Variants in RAPGEF2 observed in about 807,000 individuals in gnomAD.
The protein encoded by RAPGEF2 is PDZ domain containing guanine nucleotide exchange factor (GEF) 1.
RAPGEF2 carries 54 observed loss-of-function variants against 186.7 expected under a neutral mutation model. The observed-to-expected ratio is 0.29, with a 90% CI of 0.23 to 0.36. The LOEUF (loss-of-function observed/expected upper bound fraction) is 0.36, where lower values mean the gene tolerates loss of function less well. RAPGEF2 is among the 10% of genes least tolerant of loss of function. The probability of loss-of-function intolerance (pLI) is 1.00; values close to 1 mark genes in which losing one functional copy is unlikely to be tolerated. For missense variants in RAPGEF2, 1,532 were observed against 2,045.0 expected (o/e 0.75, Z 4.84); for synonymous variants, 712 against 705.9 (o/e 1.01, Z -0.14).
rs992816399 is a variant in RAPGEF2 at position 159,103,382 on chromosome 4, C to G, written c.-781C>G. 7.2e-5 allele frequency: 11 copies of G among 153,004 alleles called. No homozygotes were observed. Among genetic ancestry groups the G allele is most frequent in the African/African-American group, 2.7e-4 (11 of 41,258 alleles). 9.5% of individuals were successfully genotyped at this position (153,004 alleles called of 1,614,324 possible). A position where few individuals can be genotyped will look rare whatever the true frequency, so the allele number is the denominator to read the frequency against. Reference sequence around the variant, plus strand: ...CCGGGGCAGCTCCGCTCCGGGCGCGCTGATGGGGGGAGGCGGCGGCGGCGG... The same window carrying G: ...CCGGGGCAGCTCCGCTCCGGGCGCGGTGATGGGGGGAGGCGGCGGCGGCGG... On this transcript the variant is annotated 5_prime_UTR_variant, in exon 1 of 30. Coordinates refer to ENST00000691494, the MANE Select transcript of RAPGEF2 (RefSeq NM_001394067.2).
chr4:159,104,750 T>C (rs951829232), intron 1 of RAPGEF2, among the ~76,000 whole-genome samples: 1 of 152,122 alleles, frequency 6.6e-6, no homozygotes, highest in African/African-American at 2.4e-5. Flanking sequence ...TTGAAAGGTA[T>C]AGGAGGAAAC....
Position 159,144,879 on chromosome 4 carries a change from G to GTTTTTTTTTTTT in RAPGEF2, c.69+40663_69+40674dup, listed in dbSNP as rs137978885. Among the ~76,000 whole-genome samples, 22 of 92,316 alleles carry GTTTTTTTTTTTT rather than the reference G, an allele frequency of 2.4e-4. 4 individuals are homozygous for GTTTTTTTTTTTT. Among genetic ancestry groups the GTTTTTTTTTTTT allele is most frequent in the South Asian group, 8.5e-4 (2 of 2,354 alleles). The allele number at this position is 92,316 out of a possible 152,430, so 60.6% of individuals were successfully genotyped here. On this transcript the variant is annotated intron_variant, in intron 1 of 29. Transcript: ENST00000691494. The stretch of plus-strand genomic sequence containing the variant: ...CTTCTTAATTTTTTTCTTTCTTCCT[G>GTTTTTTTTTTTT]TTTTTTTTTTTTTTTTTTTTTTTTT...
At chr4:159,219,644 C>T (rs1002917950) in intron 4 of RAPGEF2, among the ~76,000 whole-genome samples, 4 of 152,172 alleles carry the variant, frequency 2.6e-5, no homozygotes, top group Admixed American at 6.5e-5. Context: ...CGTGAGCCAC[C>T]ACGCGCAGCC....
At chr4:159,209,197 A>G (rs2111367203) in intron 3 of RAPGEF2, among the ~76,000 whole-genome samples, 2 of 151,730 alleles carry the variant, frequency 1.3e-5, no homozygotes, top group Admixed American at 1.3e-4. Context: ...CAGCCAAAAA[A>G]AAAAAAAAAA....
At chr4:159,303,280 G>A (rs1224473154) in intron 7 of RAPGEF2, among the ~76,000 whole-genome samples, 1 of 152,100 alleles carries the variant, frequency 6.6e-6, no homozygotes, top group Non-Finnish European at 1.5e-5. Context: ...GAGGGAATGA[G>A]CCTCAAAAGG....
intron 1 of RAPGEF2, among the ~76,000 whole-genome samples, chr4:159,140,318 G>A (rs915109312): frequency 3.9e-5 from 6 of 152,138 alleles, no homozygotes; most frequent in Non-Finnish European, 7.3e-5. Flanking sequence ...GTTTGAAAAT[G>A]GGAGGTATAA....
chr4:159,188,084 A>G (rs1246393158), intron 2 of RAPGEF2, among the ~76,000 whole-genome samples: 1 of 150,480 alleles, frequency 6.6e-6, no homozygotes, highest in Non-Finnish European at 1.5e-5. Flanking sequence ...CTCAAATTAG[A>G]GCAAGAATAA....
chr4:159,232,437 C>T (rs1303937522), intron 4 of RAPGEF2, among the ~76,000 whole-genome samples: 3 of 152,148 alleles, frequency 2.0e-5, no homozygotes, highest in Non-Finnish European at 2.9e-5. Flanking sequence ...AAGGTTCATC[C>T]ATGTTGTAGC....
chr4:159,249,808 A>C (rs1755097171), intron 7 of RAPGEF2, among the ~76,000 whole-genome samples: 1 of 152,144 alleles, frequency 6.6e-6, no homozygotes, highest in Non-Finnish European at 1.5e-5. Context: ...AAAATACATA[A>C]GTTAATTGTT....
intron 7 of RAPGEF2, among the ~76,000 whole-genome samples, chr4:159,270,988 A>G (rs1348558762): frequency 1.3e-5 from 2 of 152,202 alleles, no homozygotes; most frequent in Admixed American, 1.3e-4. Context: ...GGTTGCTAAC[A>G]TTTCAGAAAT....
intron 1 of RAPGEF2, among the ~76,000 whole-genome samples, chr4:159,110,340 C>G (rs1206505371): frequency 6.6e-6 from 1 of 152,130 alleles, no homozygotes; most frequent in African/African-American, 2.4e-5. Context: ...CTAATCCTAG[C>G]ACTTTAGGAG....
rs756095522 is a variant in RAPGEF2, at chr4:159,241,176, G to T, written c.358-25G>T. 17 of 1,462,264 alleles carry T rather than the reference G, an allele frequency of 1.2e-5. No homozygotes were observed. The East Asian group carries it at 3.3e-4, about 28-fold the overall frequency. The allele number at this position is 1,462,264 out of a possible 1,614,324, so 90.6% of individuals were successfully genotyped here. ...TAGGAAATGTTGTGTTTGGAGAAATGAAATTTTGGGGGGTTTTATTTCAGG... is the reference window on the plus strand; with the variant it reads ...TAGGAAATGTTGTGTTTGGAGAAATTAAATTTTGGGGGGTTTTATTTCAGG... On this transcript the variant is annotated intron_variant, in intron 5 of 29. Coordinates refer to ENST00000691494, the MANE Select transcript of RAPGEF2 (RefSeq NM_001394067.2).
intron 4 of RAPGEF2, among the ~76,000 whole-genome samples, chr4:159,211,628 T>C (rs927047553): frequency 2.6e-5 from 4 of 152,212 alleles, no homozygotes; most frequent in African/African-American, 9.6e-5. Flanking sequence ...AATTTTGCAC[T>C]GTAGAGAAAG....
At position 159,133,879 on chromosome 4, in the gene RAPGEF2, G is replaced by A. The variant is rs549625220; in HGVS notation, c.69+29648G>A. On this transcript the variant is annotated intron_variant, in intron 1 of 29. Transcript: ENST00000691494. ...ATTACAGGCGTGAGCCACCGCGCCT[G>A]GCCAATTTTTTGTATTTTTAATAGT... 2.0e-5 allele frequency among the ~76,000 whole-genome samples: 3 copies of A among 152,162 alleles called. No homozygotes were observed. The East Asian group carries it at 5.8e-4, about 29-fold the overall frequency.
At chr4:159,272,897 C>T (rs1253514099) in intron 7 of RAPGEF2, among the ~76,000 whole-genome samples, 1 of 152,186 alleles carries the variant, frequency 6.6e-6, no homozygotes, top group East Asian at 1.9e-4. Context: ...CTTCACCTCT[C>T]CTTCCTATCT....
At position 159,329,962 on chromosome 4, in the gene RAPGEF2, C is replaced by T. The variant is rs764051178; in HGVS notation, c.1254C>T (p.His418=). The change falls in exon 12 of 30, where the codon CAC becomes CAT. Residue 418 remains histidine, a synonymous_variant. Coordinates refer to ENST00000691494, the MANE Select transcript of RAPGEF2 (RefSeq NM_001394067.2). ...GAGAGATTGTTATGGTGAAAGAACA[C>T]CGAGAACTTGATCGAACTGGAACAA... ...EEGEIVMVKE[H]RELDRTGTRK... The T allele has an allele frequency of 6.2e-7, 1 of 1,613,160 alleles. No individual in the cohort carries two copies. Among genetic ancestry groups the T allele is most frequent in the South Asian group, 1.1e-5 (1 of 91,006 alleles).
intron 1 of RAPGEF2, among the ~76,000 whole-genome samples, chr4:159,172,176 C>A (rs891105973): frequency 6.6e-6 from 1 of 152,128 alleles, no homozygotes; most frequent in Non-Finnish European, 1.5e-5. Context: ...ACATTTGGAA[C>A]CTTTTCACTA....
At chr4:159,267,464 T>G (rs1182302499) in intron 7 of RAPGEF2, among the ~76,000 whole-genome samples, 1 of 152,196 alleles carries the variant, frequency 6.6e-6, no homozygotes, top group Non-Finnish European at 1.5e-5. Flanking sequence ...AAATTAAATG[T>G]CCATCAGTGT....
chr4:159,340,247 A>G (rs927922739), intron 19 of RAPGEF2, among the ~76,000 whole-genome samples: 15 of 152,194 alleles, frequency 9.9e-5, no homozygotes, highest in Non-Finnish European at 2.1e-4. Flanking sequence ...CTTGCCATCA[A>G]CTATAACTTT....
Sources: gnomAD v4.1 joint callset for allele counts (sites outside exome capture counted in the v4.1 genomes callset) on GRCh38, gnomAD v4.1.1 for gene constraint, MANE v1.5 for transcripts, NCBI Gene and HGNC (gene_info 2026-07-23, HGNC 2026-07-21) for gene names.